Variants in MBD5 observed in about 807,000 individuals in gnomAD.
MBD5 encodes the protein methyl-CpG-binding domain protein 5.
MBD5 carries 13 observed loss-of-function variants against 117.3 expected under a neutral mutation model. That is an observed-to-expected ratio of 0.11 (90% CI 0.07 to 0.18). The LOEUF (loss-of-function observed/expected upper bound fraction) is 0.18, where lower values mean the gene tolerates loss of function less well. Among genes scored for constraint, MBD5 ranks in the 10% least tolerant of loss-of-function variants. The pLI, the probability that MBD5 is intolerant of heterozygous loss-of-function variation, is 1.00. For synonymous variants in MBD5, 727 were observed against 766.4 expected, an observed-to-expected ratio of 0.95 and a Z score of 0.85; for missense variants, 1,879 against 2,093.8, an observed-to-expected ratio of 0.90 and a Z score of 2.00.
At chr2:148,432,394 G>A (rs549329084) in intron 4 of MBD5, among the ~76,000 whole-genome samples, 20 of 152,014 alleles carry the variant, frequency 1.3e-4, no homozygotes, top group Non-Finnish European at 2.5e-4. Flanking sequence ...GTCAATTTTG[G>A]TTTTTTGTTG....
intron 3 of MBD5, among the ~76,000 whole-genome samples, chr2:148,248,472 A>G (rs1224487747): frequency 6.6e-6 from 1 of 152,154 alleles, no homozygotes; most frequent in Non-Finnish European, 1.5e-5. Flanking sequence ...GAAGAAATCT[A>G]CCTTCAATAT....
intron 1 of MBD5, among the ~76,000 whole-genome samples, chr2:148,173,468 G>A (rs1050884026): frequency 2.6e-5 from 4 of 152,202 alleles, no homozygotes; most frequent in Non-Finnish European, 4.4e-5. Flanking sequence ...GCTCACCCTT[G>A]GCAAGTGTGG....
intron 3 of MBD5, among the ~76,000 whole-genome samples, chr2:148,319,738 C>G (rs1414288323): frequency 6.6e-6 from 1 of 152,058 alleles, no homozygotes. Flanking sequence ...ATTCAGATAC[C>G]TTTTATTTTT....
At chr2:148,340,337 T>G (rs561946922) in intron 3 of MBD5, among the ~76,000 whole-genome samples, 39 of 152,256 alleles carry the variant, frequency 2.6e-4, no homozygotes, top group African/African-American at 9.1e-4. Flanking sequence ...TTTCTGAAAT[T>G]TTTTATTGTT....
chr2:148,288,410 A>AAAAAAAAAAAAAAAAAAAAAAAAAAG (rs1367731540), intron 3 of MBD5, among the ~76,000 whole-genome samples: 1 of 140,490 alleles, frequency 7.1e-6, no homozygotes, highest in African/African-American at 2.7e-5. Context: ...AAAAAAAAAA[A>AAAAAAAAAAAAAAAAAAAAAAAAAAG]AAAAGTGATT....
chr2:148,203,560 A>G (rs1159082238), intron 2 of MBD5, among the ~76,000 whole-genome samples: 1 of 152,106 alleles, frequency 6.6e-6, no homozygotes, highest in African/African-American at 2.4e-5. Flanking sequence ...CCTATTTTCA[A>G]GAGGTGCGTG....
intron 3 of MBD5, among the ~76,000 whole-genome samples, chr2:148,294,505 T>TTTTTTTTTTGTTTTTG (rs1201477284): frequency 4.0e-4 from 12 of 29,804 alleles, no homozygotes; most frequent in Non-Finnish European, 7.1e-4. Flanking sequence ...ATTACAGTTT[T>TTTTTTTTTTGTTTTTG]TTTTTTTTTT....
At chr2:148,320,998 A>C (rs1702268991) in intron 3 of MBD5, among the ~76,000 whole-genome samples, 3 of 152,098 alleles carry the variant, frequency 2.0e-5, no homozygotes, top group Admixed American at 6.6e-5. Flanking sequence ...TTGATACCTT[A>C]CATTTTAAAT....
intron 4 of MBD5, among the ~76,000 whole-genome samples, chr2:148,447,164 GAAGAAAGGAAGAAGGAAAGAAAGAAAGA>G (rs1416611385): frequency 2.1e-4 from 22 of 104,040 alleles, no homozygotes; most frequent in Non-Finnish European, 3.8e-4. Context: ...GGAAAGAAAG[GAAGAAAGGAAGAAGGAAAGAAAGAAAGA>G]AAGAAAGAAA....
chr2:148,394,882 C>T (rs1316760117), intron 4 of MBD5, among the ~76,000 whole-genome samples: 6 of 152,152 alleles, frequency 3.9e-5, no homozygotes, highest in African/African-American at 1.2e-4. Flanking sequence ...CCTATATCAA[C>T]ACCTTTTCTT....
At chr2:148,462,776 C>A (rs1707132265) in intron 6 of MBD5, 92 bp downstream of exon 6, 1 of 801,912 alleles carries the variant, frequency 1.2e-6, no homozygotes, top group Non-Finnish European at 2.1e-6. Context: ...TTTTTTATTA[C>A]TTCTCCAATC....
chr2:148,345,281 G>T (rs1236345851), intron 4 of MBD5, among the ~76,000 whole-genome samples: 1 of 148,316 alleles, frequency 6.7e-6, no homozygotes, highest in Non-Finnish European at 1.5e-5. Flanking sequence ...TATTGTCTAT[G>T]ATTCCTAGCA....
chr2:148,417,081 T>G (rs1705441516), intron 4 of MBD5, among the ~76,000 whole-genome samples: 1 of 152,166 alleles, frequency 6.6e-6, no homozygotes, highest in Non-Finnish European at 1.5e-5. Context: ...CAATTGTAAA[T>G]TCTTCTTCTG....
At chr2:148,104,510 T>C (rs1222252354) in intron 1 of MBD5, among the ~76,000 whole-genome samples, 4 of 152,180 alleles carry the variant, frequency 2.6e-5, no homozygotes, top group African/African-American at 7.2e-5. Flanking sequence ...CAAAAAATGA[T>C]TGTCATTTAA....
At chr2:148,225,324 T>C (rs929928762) in intron 2 of MBD5, among the ~76,000 whole-genome samples, 1 of 152,110 alleles carries the variant, frequency 6.6e-6, no homozygotes, top group Non-Finnish European at 1.5e-5. Context: ...AACAAAAAAC[T>C]AATAAACACT....
At chr2:148,403,641 C>T (rs1704991675) in intron 4 of MBD5, among the ~76,000 whole-genome samples, 2 of 152,148 alleles carry the variant, frequency 1.3e-5, no homozygotes, top group East Asian at 1.9e-4. Context: ...TGTCAAATTT[C>T]CTTCAATGGC....
intron 4 of MBD5, among the ~76,000 whole-genome samples, chr2:148,423,143 G>A (rs1705663704): frequency 6.6e-6 from 1 of 152,106 alleles, no homozygotes; most frequent in Non-Finnish European, 1.5e-5. Context: ...ATTCACCAAG[G>A]TTGAAATGAT....
chr2:148,068,177 T>G (rs374352997), intron 1 of MBD5, among the ~76,000 whole-genome samples: 24 of 152,116 alleles, frequency 1.6e-4, no homozygotes, highest in African/African-American at 5.8e-4. Flanking sequence ...AAATCTCAAG[T>G]TGTACCTAAG....
intron 3 of MBD5, among the ~76,000 whole-genome samples, chr2:148,236,134 TG>T (rs1700087118): frequency 6.6e-6 from 1 of 152,108 alleles, no homozygotes; most frequent in Non-Finnish European, 1.5e-5. Flanking sequence ...TGGATGTTGA[TG>T]GTTGCTAACA....
Sources: allele counts gnomAD v4.1 joint callset (sites outside exome capture counted in the v4.1 genomes callset), GRCh38; gene constraint gnomAD v4.1.1; transcripts MANE v1.5; gene names NCBI Gene and HGNC (gene_info 2026-07-23, HGNC 2026-07-21).